The following ATP8A1 variants were observed in gnomAD, a reference collection of about 807,000 sequenced individuals.
ATP8A1 encodes ATPase phospholipid transporting 8A1.
A neutral mutation model predicts 177.7 loss-of-function variants in ATP8A1; 90 were observed. That is an observed-to-expected ratio of 0.51 (90% CI 0.43 to 0.60). ATP8A1 has a LOEUF of 0.60. Ranked by LOEUF, ATP8A1 falls within the 20% of genes least tolerant of loss-of-function variation. ATP8A1 has a pLI of 0.00. For missense variants in ATP8A1, 1,072 were observed against 1,392.8 expected (o/e 0.77, Z 3.67); for synonymous variants, 493 against 485.9 (o/e 1.01, Z -0.19).
chr4:42,537,303 G>C lies in ATP8A1; in HGVS notation c.1722+6614C>G, dbSNP rs112385139. ...AAAAGCCATCTATGACAAACCCATA[G>C]TCAACATTATACTGAATGGGAAAAA... On this transcript the variant is annotated intron_variant, in intron 20 of 36. Coordinates refer to ENST00000381668, the MANE Select transcript of ATP8A1 (RefSeq NM_006095.2). Among the ~76,000 whole-genome samples, 288 of 151,982 alleles carry C rather than the reference G, an allele frequency of 1.9e-3. 1 individual carries two copies. Among genetic ancestry groups the C allele is most frequent in the African/African-American group, 6.6e-3 (272 of 41,416 alleles).
intron 1 of ATP8A1, 76 bp downstream of exon 1, chr4:42,656,749 C>T: frequency 7.1e-7 from 1 of 1,404,522 alleles, no homozygotes; most frequent in Non-Finnish European, 9.5e-7. Context: ...CGGTCTCTTC[C>T]AGGATAAACA....
At chr4:42,518,057 A>AT (rs146554660) in intron 22 of ATP8A1, among the ~76,000 whole-genome samples, 1 of 152,100 alleles carries the variant, frequency 6.6e-6, no homozygotes, top group Non-Finnish European at 1.5e-5. Flanking sequence ...CTATTTGGAT[A>AT]TTTTTTTCAG....
Position 42,622,931 on chromosome 4 carries a change from C to T in ATP8A1, c.363+1605G>A, listed in dbSNP as rs185344258. 5.4e-3 allele frequency among the ~76,000 whole-genome samples: 809 copies of T among 150,210 alleles called. 5 individuals are homozygous for T. Among genetic ancestry groups the T allele is most frequent in the Non-Finnish European group, 8.5e-3 (574 of 67,724 alleles). On this transcript the variant is annotated intron_variant, in intron 4 of 36. Coordinates refer to ENST00000381668, the MANE Select transcript of ATP8A1 (RefSeq NM_006095.2). ...GGCTGAGGCAGGAGAATCGCTTGAA[C>T]CTGGGAGGTGGAGGTTGCAGTGAGC...
At chr4:42,573,184 C>T (rs947521278) in intron 14 of ATP8A1, among the ~76,000 whole-genome samples, 1 of 152,122 alleles carries the variant, frequency 6.6e-6, no homozygotes, top group African/African-American at 2.4e-5. Flanking sequence ...ATTTGATGAA[C>T]CTGCTTATTG....
At chr4:42,570,622 C>T (rs1388268653) in intron 14 of ATP8A1, among the ~76,000 whole-genome samples, 2 of 152,224 alleles carry the variant, frequency 1.3e-5, no homozygotes, top group Non-Finnish European at 2.9e-5. Context: ...TGGAAGAATG[C>T]TGAGCACTAC....
chr4:42,557,227 G>A (rs1219509347), intron 15 of ATP8A1, among the ~76,000 whole-genome samples: 2 of 152,054 alleles, frequency 1.3e-5, no homozygotes, highest in East Asian at 3.9e-4. Flanking sequence ...AATACCCTTG[G>A]GGGCCAAAGT....
chr4:42,568,165 T>C (rs1230616714), intron 15 of ATP8A1, among the ~76,000 whole-genome samples: 3 of 152,222 alleles, frequency 2.0e-5, no homozygotes, highest in African/African-American at 4.8e-5. Context: ...GCAATGGGCA[T>C]GTGGTGTCTC....
intron 25 of ATP8A1, among the ~76,000 whole-genome samples, chr4:42,467,352 C>T (rs944677660): frequency 6.6e-6 from 1 of 152,174 alleles, no homozygotes; most frequent in African/African-American, 2.4e-5. Context: ...CAAAAGCACA[C>T]TGCAGCTGCT....
intron 33 of ATP8A1, among the ~76,000 whole-genome samples, chr4:42,432,118 C>T (rs1254667904): frequency 2.0e-5 from 3 of 152,092 alleles, no homozygotes; most frequent in Non-Finnish European, 4.4e-5. Context: ...CCATAATAGG[C>T]TCTTTTCTCC....
chr4:42,617,074 T>C (rs190385874), intron 4 of ATP8A1, among the ~76,000 whole-genome samples: 6 of 152,324 alleles, frequency 3.9e-5, no homozygotes, highest in Non-Finnish European at 7.3e-5. Context: ...GTAAAACAAA[T>C]GAGTTCCTAA....
intron 9 of ATP8A1, among the ~76,000 whole-genome samples, chr4:42,584,372 A>G (rs1474039264): frequency 6.6e-6 from 1 of 152,210 alleles, no homozygotes; most frequent in Non-Finnish European, 1.5e-5. Context: ...TCTTTGAAAA[A>G]GAAGTCTATA....
intron 20 of ATP8A1, among the ~76,000 whole-genome samples, chr4:42,540,895 A>G (rs1017154806): frequency 2.6e-5 from 4 of 152,174 alleles, no homozygotes; most frequent in Non-Finnish European, 5.9e-5. Context: ...TAGGGTGACT[A>G]TACTCCACAA....
At chr4:42,622,220 A>AAG (rs1737541421) in intron 4 of ATP8A1, among the ~76,000 whole-genome samples, 1 of 151,620 alleles carries the variant, frequency 6.6e-6, no homozygotes, top group Non-Finnish European at 1.5e-5. Context: ...TACTAGGAAA[A>AAG]AAAAAAAAAA....
In ATP8A1 at chr4:42,566,341, T is replaced by C. The variant is rs1731345006; in HGVS notation, c.1340+2820A>G. On this transcript the variant is annotated intron_variant, in intron 15 of 36. Coordinates refer to ENST00000381668, the MANE Select transcript of ATP8A1 (RefSeq NM_006095.2). ...AAACTGAAGCTGCTGAACAGCCATA[T>C]TGGAATGCCCTTTCAGATTTTGGAT... Among the ~76,000 whole-genome samples the C allele has an allele frequency of 2.0e-5, 3 of 152,198 alleles. No individual in the cohort carries two copies. In the South Asian group the frequency reaches 6.2e-4, roughly 32 times the overall value.
chr4:42,566,214 GT>G (rs1349589398), intron 15 of ATP8A1, among the ~76,000 whole-genome samples: 2 of 152,106 alleles, frequency 1.3e-5, no homozygotes, highest in African/African-American at 4.8e-5. Flanking sequence ...AGGTAATTAT[GT>G]TTTTTTAATT....
chr4:42,615,065 A>G (rs1056749625), intron 5 of ATP8A1, among the ~76,000 whole-genome samples: 1 of 152,222 alleles, frequency 6.6e-6, no homozygotes, highest in Admixed American at 6.5e-5. Context: ...ATGTTTTTAC[A>G]TGTACCTATT....
intron 29 of ATP8A1, among the ~76,000 whole-genome samples, chr4:42,453,331 T>A (rs926804689): frequency 1.3e-5 from 2 of 152,224 alleles, no homozygotes; most frequent in East Asian, 3.8e-4. Flanking sequence ...CAAACACTTA[T>A]ATGAGATTGA....
At chr4:42,447,350 T>C (rs1005020517) in intron 30 of ATP8A1, among the ~76,000 whole-genome samples, 3 of 151,970 alleles carry the variant, frequency 2.0e-5, no homozygotes, top group Non-Finnish European at 4.4e-5. Flanking sequence ...GCCCAGCTAA[T>C]TTTGTTATTT....
At chr4:42,594,431 A>G (rs1363369455) in intron 6 of ATP8A1, 1 of 886,396 alleles carries the variant, frequency 1.1e-6, no homozygotes, top group Non-Finnish European at 1.8e-6. Flanking sequence ...AACCCATTGT[A>G]AAAAGCATAG....
Sources: allele counts gnomAD v4.1 joint callset (sites outside exome capture counted in the v4.1 genomes callset), GRCh38; gene constraint gnomAD v4.1.1; transcripts MANE v1.5; gene names NCBI Gene and HGNC (gene_info 2026-07-23, HGNC 2026-07-21).